Variants in CNTN3 observed in about 807,000 individuals in gnomAD.
CNTN3 encodes contactin 3.
A neutral mutation model predicts 119.1 loss-of-function variants in CNTN3; 60 were observed. The ratio of observed to expected loss-of-function variants is 0.50; its 90% confidence interval spans 0.41 to 0.62. CNTN3 has a LOEUF of 0.62. Among genes scored for constraint, CNTN3 ranks in the 20% least tolerant of loss-of-function variants. CNTN3 has a pLI of 0.00. For missense variants in CNTN3, 1,101 were observed against 1,242.4 expected, an observed-to-expected ratio of 0.89 and a Z score of 1.71; for synonymous variants, 450 against 438.7, an observed-to-expected ratio of 1.03 and a Z score of -0.32.
chr3:74,293,752 G>A (rs1702280558), intron 19 of CNTN3, among the ~76,000 whole-genome samples: 7 of 152,192 alleles, frequency 4.6e-5, no homozygotes. Context: ...TGGGATTACA[G>A]GCGCAAGCCA....
At chr3:74,376,118 C>A (rs1704469034) in intron 5 of CNTN3, among the ~76,000 whole-genome samples, 1 of 152,194 alleles carries the variant, frequency 6.6e-6, no homozygotes, top group African/African-American at 2.4e-5. Flanking sequence ...GAAATGGATT[C>A]TCCCCTGGAG....
intron 5 of CNTN3, among the ~76,000 whole-genome samples, chr3:74,383,038 T>C (rs1225802700): frequency 6.6e-6 from 1 of 152,226 alleles, no homozygotes; most frequent in Non-Finnish European, 1.5e-5. Flanking sequence ...AAGAAATAGC[T>C]GATTCAGAGT....
intron 18 of CNTN3, among the ~76,000 whole-genome samples, chr3:74,295,578 A>T (rs1702321881): frequency 1.3e-5 from 2 of 151,826 alleles, no homozygotes. Flanking sequence ...CTGCTTGGGA[A>T]CTTCTCTGCC....
intron 5 of CNTN3, among the ~76,000 whole-genome samples, chr3:74,390,097 T>C (rs1434779453): frequency 6.6e-6 from 1 of 152,198 alleles, no homozygotes; most frequent in African/African-American, 2.4e-5. Context: ...AGGAATTATA[T>C]GCAATGACCT....
At chr3:74,485,590 G>T (rs10428239) in intron 4 of CNTN3, among the ~76,000 whole-genome samples, 1 of 151,958 alleles carries the variant, frequency 6.6e-6, no homozygotes, top group Non-Finnish European at 1.5e-5. Context: ...GGGGAAAACA[G>T]AAAGAATACT....
intron 1 of CNTN3, among the ~76,000 whole-genome samples, chr3:74,578,695 C>A (rs2106663611): frequency 6.6e-6 from 1 of 152,130 alleles, no homozygotes; most frequent in Admixed American, 6.5e-5. Flanking sequence ...AAATTTTAAT[C>A]TCTAGTTGCA....
At chr3:74,614,192 G>T (rs1705130321) in intron 1 of CNTN3, among the ~76,000 whole-genome samples, 199 bp downstream of exon 1, 1 of 152,152 alleles carries the variant, frequency 6.6e-6, no homozygotes, top group Admixed American at 6.5e-5. Flanking sequence ...ACCAATCCTC[G>T]CCCCAGAAGG....
intron 11 of CNTN3, among the ~76,000 whole-genome samples, chr3:74,347,392 C>T (rs949574055): frequency 1.2e-4 from 18 of 152,110 alleles, no homozygotes; most frequent in Admixed American, 1.2e-3. Flanking sequence ...CCGGTGTGCA[C>T]CAACATGCCT....
chr3:74,313,367 A>C (rs1702747814), intron 13 of CNTN3, among the ~76,000 whole-genome samples: 1 of 152,208 alleles, frequency 6.6e-6, no homozygotes, highest in African/African-American at 2.4e-5. Flanking sequence ...AAGAAAACAG[A>C]AAGTCACAAA....
intron 22 of CNTN3, 128 bp from the exon 23 acceptor site, chr3:74,264,629 ATT>A: frequency 3.8e-6 from 2 of 522,188 alleles, no homozygotes; most frequent in South Asian, 8.1e-5. Context: ...ATGTCAGAGT[ATT>A]AGGAGGTGAG....
chr3:74,597,713 G>A (rs1315759762), intron 1 of CNTN3, among the ~76,000 whole-genome samples: 1 of 151,968 alleles, frequency 6.6e-6, no homozygotes, highest in East Asian at 1.9e-4. Context: ...AATGTTAAAA[G>A]CCGTCTTTGC....
At chr3:74,333,313 G>T (rs1394254481) in intron 13 of CNTN3, among the ~76,000 whole-genome samples, 1 of 152,214 alleles carries the variant, frequency 6.6e-6, no homozygotes, top group Non-Finnish European at 1.5e-5. Flanking sequence ...TGGCTTAACA[G>T]AAATGTATCC....
chr3:74,307,000 T>C (rs1702578091), intron 13 of CNTN3, among the ~76,000 whole-genome samples: 1 of 152,104 alleles, frequency 6.6e-6, no homozygotes, highest in African/African-American at 2.4e-5. Flanking sequence ...TCTAGAACTT[T>C]TTGGGGTTTC....
chr3:74,459,107 C>T (rs1702319850), intron 4 of CNTN3, among the ~76,000 whole-genome samples: 1 of 152,006 alleles, frequency 6.6e-6, no homozygotes, highest in Non-Finnish European at 1.5e-5. Flanking sequence ...TGACTGGACT[C>T]CTCAGGGGTC....
chr3:74,365,602 G>A lies in CNTN3; in HGVS notation c.1047C>T (p.Tyr349=). The part of the protein sequence containing the change: ...CRASGKPKPS[Y]RWLKNGAALV... The stretch of plus-strand genomic sequence containing the variant: ...GGGCTGCTCCATTTTTCAGCCATCG[G>A]TAGGAAGGCTTGGGCTTGCCGCTTG... Residue 349 remains tyrosine (Y), a synonymous_variant, in exon 9 of 23, where the codon TAC becomes TAT. Transcript: ENST00000263665. The A allele has an allele frequency of 6.2e-7, 1 of 1,613,454 alleles. No homozygotes were observed. Among genetic ancestry groups the A allele is most frequent in the Non-Finnish European group, 8.5e-7 (1 of 1,179,542 alleles).
At chr3:74,277,214 C>A (rs2106764254) in intron 20 of CNTN3, among the ~76,000 whole-genome samples, 1 of 151,984 alleles carries the variant, frequency 6.6e-6, no homozygotes, top group African/African-American at 2.4e-5. Context: ...TGGAACCAAT[C>A]CTGTTTACAC....
At chr3:74,591,932 C>G (rs1704709535) in intron 1 of CNTN3, among the ~76,000 whole-genome samples, 1 of 151,710 alleles carries the variant, frequency 6.6e-6, no homozygotes, top group African/African-American at 2.4e-5. Context: ...AGGATGGGCT[C>G]CCTATCAGGC....
At chr3:74,432,626 C>G (rs920800637) in intron 4 of CNTN3, among the ~76,000 whole-genome samples, 11 of 152,198 alleles carry the variant, frequency 7.2e-5, no homozygotes, top group African/African-American at 2.4e-4. Flanking sequence ...ATGACCACAC[C>G]TTTCTTCCTG....
intron 1 of CNTN3, among the ~76,000 whole-genome samples, chr3:74,571,034 AT>A (rs1704325037): frequency 6.6e-6 from 1 of 152,226 alleles, no homozygotes; most frequent in Non-Finnish European, 1.5e-5. Flanking sequence ...ATACAATAGA[AT>A]AGAACCACCA....
Sources: allele counts gnomAD v4.1 joint callset (sites outside exome capture counted in the v4.1 genomes callset), GRCh38; gene constraint gnomAD v4.1.1; transcripts MANE v1.5; gene names NCBI Gene and HGNC (gene_info 2026-07-23, HGNC 2026-07-21).